AGBL1: variants seen among roughly 807,000 people sequenced by gnomAD.
AGBL1 encodes the protein AGBL carboxypeptidase 1, also known as cytosolic carboxypeptidase 4.
A neutral mutation model predicts 118.9 loss-of-function variants in AGBL1; 130 were observed. The ratio of observed to expected loss-of-function variants is 1.09; its 90% confidence interval spans 0.95 to 1.26. The LOEUF is 1.26. Ranked by LOEUF, AGBL1 falls within the 50% of genes most tolerant of loss-of-function variation. The probability of loss-of-function intolerance (pLI) is 0.00; values close to 1 mark genes in which losing one functional copy is unlikely to be tolerated. For missense variants in AGBL1, 1,584 were observed against 1,298.1 expected, an observed-to-expected ratio of 1.22 and a Z score of -3.38; for synonymous variants, 555 against 478.9, an observed-to-expected ratio of 1.16 and a Z score of -2.08.
chr15:86,740,386 T>C (rs1249642243), intron 22 of AGBL1, among the ~76,000 whole-genome samples: 1 of 152,210 alleles, frequency 6.6e-6, no homozygotes, highest in Non-Finnish European at 1.5e-5. Flanking sequence ...CAGAAAGTTC[T>C]AAGATTCTTG....
rs72751912 is a variant in AGBL1 at position 86,822,991 on chromosome 15, G to A, written c.3159-84096G>A. Among the ~76,000 whole-genome samples, 604 of 152,202 alleles carry A rather than the reference G, an allele frequency of 4.0e-3. 2 individuals are homozygous for A. The highest frequency in any genetic ancestry group is 6.4e-3 in the Non-Finnish European group (437 of 68,006). On this transcript the variant is annotated intron_variant, in intron 22 of 22. Coordinates refer to ENST00000614907, the MANE Select transcript of AGBL1 (RefSeq NM_001386094.1). The stretch of plus-strand genomic sequence containing the variant: ...TTGGGGTTAAACAGAAGTCAACATG[G>A]CACATGAGCAGCCAAGATGGAGTTG...
intron 23 of AGBL1, among the ~76,000 whole-genome samples, chr15:86,962,316 T>G (rs1184310778): frequency 6.6e-6 from 1 of 152,084 alleles, no homozygotes; most frequent in Non-Finnish European, 1.5e-5. Flanking sequence ...CTCCTGGATC[T>G]GTGTGTTTTC....
At chr15:86,770,402 A>G (rs1021237612) in intron 22 of AGBL1, among the ~76,000 whole-genome samples, 2 of 151,908 alleles carry the variant, frequency 1.3e-5, no homozygotes, top group African/African-American at 4.8e-5. Flanking sequence ...GTTACTAAGA[A>G]CATCTACTGT....
At chr15:86,506,820 C>T (rs2082983009) in intron 18 of AGBL1, among the ~76,000 whole-genome samples, 1 of 151,978 alleles carries the variant, frequency 6.6e-6, no homozygotes, top group Admixed American at 6.6e-5. Context: ...ATTTTATTTC[C>T]TCAAGATTTA....
intron 1 of AGBL1, among the ~76,000 whole-genome samples, chr15:86,134,922 A>ATT (rs34477506): frequency 6.0e-4 from 89 of 148,024 alleles, no homozygotes; most frequent in African/African-American, 1.2e-3. Flanking sequence ...AATGGTGCCT[A>ATT]TTTTTTTTTT....
At position 86,264,695 on chromosome 15, in the gene AGBL1, C is replaced by A. The variant is rs199539728; in HGVS notation, c.1524C>A (p.Phe508Leu). The change falls in exon 11 of 23, where the codon TTC becomes TTA. Residue 508 changes from phenylalanine (F) to leucine (L), a missense_variant. Phe to Leu is a conservative substitution (Grantham distance 22). Transcript: ENST00000614907. Reference protein sequence around the residue: ...LLQTHLKRVPFHDPYLYMAKA... With the variant: ...LLQTHLKRVPLHDPYLYMAKA... ...AGACACATCTGAAGCGTGTCCCTTT[C>A]CACGATCCCTATCTTTATATGGCCA... is the stretch of plus-strand genomic sequence containing the variant. 9 of 1,614,002 alleles carry A rather than the reference C, an allele frequency of 5.6e-6. No homozygotes were observed. The South Asian group carries it at 8.8e-5, about 16-fold the overall frequency.
intron 5 of AGBL1, among the ~76,000 whole-genome samples, chr15:86,190,897 A>G (rs2077708674): frequency 6.6e-6 from 1 of 152,228 alleles, no homozygotes; most frequent in African/African-American, 2.4e-5. Context: ...GCTGGGGAAA[A>G]CATTACCCAA....
intron 5 of AGBL1, among the ~76,000 whole-genome samples, chr15:86,194,989 T>G (rs538894066): frequency 2.0e-5 from 3 of 152,342 alleles, no homozygotes; most frequent in African/African-American, 7.2e-5. Context: ...TATAAATTCA[T>G]TCTTTTATTA....
intron 22 of AGBL1, among the ~76,000 whole-genome samples, chr15:86,873,525 A>G (rs996708766): frequency 1.3e-5 from 2 of 152,156 alleles, no homozygotes; most frequent in African/African-American, 2.4e-5. Flanking sequence ...CCAGGCCCCA[A>G]GTTGATGGTA....
chr15:86,527,581 G>C (rs575755329), intron 19 of AGBL1, among the ~76,000 whole-genome samples: 109 of 152,220 alleles, frequency 7.2e-4, no homozygotes, highest in Non-Finnish European at 1.3e-3. Context: ...TCAGCACTCA[G>C]GCCTATCCTG....
chr15:86,740,494 G>A (rs1334506069), intron 22 of AGBL1, among the ~76,000 whole-genome samples: 1 of 152,184 alleles, frequency 6.6e-6, no homozygotes, highest in Non-Finnish European at 1.5e-5. Flanking sequence ...TAACATGCGA[G>A]TAGATTCAAG....
chr15:86,114,545 C>A (rs144457141), intron 1 of AGBL1, among the ~76,000 whole-genome samples: 4 of 152,330 alleles, frequency 2.6e-5, no homozygotes, highest in South Asian at 4.1e-4. Context: ...AGATATTGTA[C>A]TTCCATGATG....
At chr15:86,136,393 C>T (rs1054029431) in intron 1 of AGBL1, among the ~76,000 whole-genome samples, 2 of 152,198 alleles carry the variant, frequency 1.3e-5, no homozygotes, top group African/African-American at 4.8e-5. Flanking sequence ...CAGGCCACCA[C>T]AGTGCCTCAC....
chr15:86,885,901 G>C (rs368886475), intron 22 of AGBL1, among the ~76,000 whole-genome samples: 2 of 152,244 alleles, frequency 1.3e-5, no homozygotes, highest in African/African-American at 4.8e-5. Context: ...CAACAAAAAG[G>C]CCTGTGTAAA....
chr15:86,500,255 G>C (rs904973643), intron 18 of AGBL1, among the ~76,000 whole-genome samples: 1 of 151,780 alleles, frequency 6.6e-6, no homozygotes, highest in African/African-American at 2.4e-5. Flanking sequence ...GTCTTTATGT[G>C]TGTCTCATGG....
chr15:86,136,869 C>T (rs1350672057), intron 1 of AGBL1, among the ~76,000 whole-genome samples: 4 of 152,078 alleles, frequency 2.6e-5, no homozygotes, highest in African/African-American at 9.7e-5. Context: ...AGTTCAAAAC[C>T]CCACAGACTA....
chr15:86,317,201 CTT>C (rs2080026166), intron 17 of AGBL1: 1 of 152,190 alleles, frequency 6.6e-6, no homozygotes, highest in Non-Finnish European at 1.5e-5. Flanking sequence ...CCACAAAACA[CTT>C]TGAATCAACC....
intron 21 of AGBL1, among the ~76,000 whole-genome samples, chr15:86,652,226 T>C (rs1049248040): frequency 1.3e-5 from 2 of 152,186 alleles, no homozygotes; most frequent in African/African-American, 4.8e-5. Flanking sequence ...GTTCTCCTCA[T>C]GTTCTCTTTC....
intron 18 of AGBL1, among the ~76,000 whole-genome samples, chr15:86,415,610 T>G (rs1217966890): frequency 1.3e-5 from 2 of 152,190 alleles, no homozygotes; most frequent in Non-Finnish European, 2.9e-5. Context: ...TAAGCTCTTT[T>G]GATGGCTTAA....
Sources: gnomAD v4.1 joint callset for allele counts (sites outside exome capture counted in the v4.1 genomes callset) on GRCh38, gnomAD v4.1.1 for gene constraint, MANE v1.5 for transcripts, NCBI Gene and HGNC (gene_info 2026-07-23, HGNC 2026-07-21) for gene names.